SOX5: variants seen among roughly 807,000 people sequenced by gnomAD.
SOX5 encodes SRY-box transcription factor 5.
In SOX5, 9 loss-of-function variants were observed where a neutral mutation model predicts 92.0. The ratio of observed to expected loss-of-function variants is 0.10; its 90% CI spans 0.06 to 0.17. The LOEUF is 0.17. Ranked by LOEUF, SOX5 falls within the 10% of genes least tolerant of loss-of-function variation. SOX5 has a pLI of 1.00. For missense variants in SOX5, 642 were observed against 944.5 expected (o/e 0.68, Z 4.20); for synonymous variants, 344 against 336.3 (o/e 1.02, Z -0.25).
chr12:23,816,469 A>T (rs2095996702), intron 3 of SOX5, among the ~76,000 whole-genome samples: 1 of 151,978 alleles, frequency 6.6e-6, no homozygotes, highest in Non-Finnish European at 1.5e-5. Context: ...CTCAGCTGGG[A>T]TTACAGACGT....
intron 1 of SOX5, among the ~76,000 whole-genome samples, chr12:23,946,793 T>C (rs1944665295): frequency 6.6e-6 from 1 of 151,920 alleles, no homozygotes; most frequent in Non-Finnish European, 1.5e-5. Flanking sequence ...CACCTTGGAG[T>C]TGTGTTTTTC....
chr12:23,706,089 T>C (rs979372406), intron 6 of SOX5, among the ~76,000 whole-genome samples: 1 of 152,086 alleles, frequency 6.6e-6, no homozygotes, highest in Admixed American at 6.6e-5. Flanking sequence ...ATAGCACTGA[T>C]ATTCAAAATG....
chr12:24,362,475 T>C (rs1309476524), intron 2 of SOX5, among the ~76,000 whole-genome samples: 2 of 152,210 alleles, frequency 1.3e-5, no homozygotes, highest in Non-Finnish European at 2.9e-5. Context: ...ACCAGATCAA[T>C]TGTGTAGACA....
intron 4 of SOX5, among the ~76,000 whole-genome samples, chr12:24,027,227 G>A (rs928648742): frequency 6.6e-6 from 1 of 151,728 alleles, no homozygotes; most frequent in African/African-American, 2.4e-5. Context: ...CTCACCCTAG[G>A]CCCTCTCCTT....
intron 4 of SOX5, among the ~76,000 whole-genome samples, chr12:24,181,961 T>C (rs1955542359): frequency 6.6e-6 from 1 of 152,226 alleles, no homozygotes; most frequent in Admixed American, 6.5e-5. Flanking sequence ...GAAACAAGTT[T>C]AACTTTTCCT....
intron 2 of SOX5, among the ~76,000 whole-genome samples, chr12:24,297,674 G>A (rs1448069235): frequency 6.6e-6 from 1 of 152,192 alleles, no homozygotes; most frequent in Non-Finnish European, 1.5e-5. Context: ...GTCAGGTCAA[G>A]AACTTCAGGA....
chr12:24,317,807 A>G (rs1949839083), intron 2 of SOX5, among the ~76,000 whole-genome samples: 1 of 152,200 alleles, frequency 6.6e-6, no homozygotes, highest in Non-Finnish European at 1.5e-5. Context: ...ACTCTTTGTT[A>G]ACACTCTCAA....
chr12:24,040,025 A>C (rs1266937370), intron 4 of SOX5, among the ~76,000 whole-genome samples: 1 of 151,498 alleles, frequency 6.6e-6, no homozygotes, highest in Non-Finnish European at 1.5e-5. Flanking sequence ...AAATTACTTA[A>C]AATTCTAAAT....
At chr12:24,531,936 CAGAG>C (rs1286464387) in intron 1 of SOX5, among the ~76,000 whole-genome samples, 2 of 152,122 alleles carry the variant, frequency 1.3e-5, no homozygotes, top group African/African-American at 4.8e-5. Context: ...CAAGGCAGGA[CAGAG>C]AAAGACCTCA....
intron 3 of SOX5, among the ~76,000 whole-genome samples, chr12:24,225,107 A>G (rs1366068916): frequency 6.6e-6 from 1 of 152,238 alleles, no homozygotes; most frequent in Non-Finnish European, 1.5e-5. Context: ...TATATCGAAC[A>G]CAAATTCTAC....
intron 6 of SOX5, among the ~76,000 whole-genome samples, chr12:23,709,991 C>A (rs1482432636): frequency 2.0e-5 from 3 of 152,110 alleles, no homozygotes; most frequent in Admixed American, 6.6e-5. Context: ...TTGGCATTTT[C>A]CTCTTATCAC....
intron 7 of SOX5, among the ~76,000 whole-genome samples, chr12:23,647,832 A>T (rs532243376): frequency 1.3e-5 from 2 of 152,050 alleles, no homozygotes; most frequent in Non-Finnish European, 2.9e-5. Flanking sequence ...GGCTGGTTTG[A>T]TCTTCTATTT....
intron 4 of SOX5, among the ~76,000 whole-genome samples, chr12:24,124,872 T>C (rs1451990612): frequency 6.6e-6 from 1 of 152,212 alleles, no homozygotes; most frequent in Non-Finnish European, 1.5e-5. Context: ...GTGACACATA[T>C]TCAGATACAT....
chr12:24,238,712 C>T (rs1348389193), intron 3 of SOX5, among the ~76,000 whole-genome samples: 1 of 152,124 alleles, frequency 6.6e-6, no homozygotes, highest in Non-Finnish European at 1.5e-5. Context: ...ACCCCACTGC[C>T]TGGGCTCTCA....
chr12:23,805,383 C>T (rs2142265857), intron 3 of SOX5, among the ~76,000 whole-genome samples: 1 of 151,506 alleles, frequency 6.6e-6, no homozygotes, highest in South Asian at 2.1e-4. Context: ...AGAGTAGTTG[C>T]AAGGATTAAA....
intron 10 of SOX5, 27 bp from the exon 11 acceptor site, chr12:23,563,430 T>A: frequency 6.2e-7 from 1 of 1,607,432 alleles, no homozygotes; most frequent in Non-Finnish European, 8.5e-7. Flanking sequence ...TCAAAGGATA[T>A]CTTTTGTATA....
intron 6 of SOX5, among the ~76,000 whole-genome samples, chr12:23,692,133 T>G (rs1224675469): frequency 6.6e-6 from 1 of 152,136 alleles, no homozygotes; most frequent in East Asian, 1.9e-4. Context: ...GTCTACTGAT[T>G]ATTTAAAAAT....
Position 24,535,089 on chromosome 12 carries a change from G to T in SOX5, c.-251+27240C>A, listed in dbSNP as rs566888563. ...ACTGGAAGCCACCATGGAGCCCAAG[G>T]CATGAAATGCATAACCACCTCCATC... On this transcript the variant is annotated intron_variant, in intron 1 of 4. Transcript: ENST00000446891. 6.0e-4 allele frequency among the ~76,000 whole-genome samples: 91 copies of T among 152,242 alleles called. 2 individuals carry two copies. Among genetic ancestry groups the T allele is most frequent in the African/African-American group, 2.1e-3 (87 of 41,550 alleles).
chr12:24,312,113 C>T (rs1228075149), intron 2 of SOX5, among the ~76,000 whole-genome samples: 1 of 152,132 alleles, frequency 6.6e-6, no homozygotes, highest in African/African-American at 2.4e-5. Flanking sequence ...ATTGAGACCA[C>T]AACTATTTAT....
Sources: allele counts gnomAD v4.1 joint callset (sites outside exome capture counted in the v4.1 genomes callset), GRCh38; gene constraint gnomAD v4.1.1; transcripts MANE v1.5; gene names NCBI Gene and HGNC (gene_info 2026-07-23, HGNC 2026-07-21).